The following IDH3A variants were observed in gnomAD, a reference collection of about 807,000 sequenced individuals.
The protein encoded by IDH3A is isocitrate dehydrogenase [NAD] subunit alpha, mitochondrial.
A neutral mutation model predicts 43.3 loss-of-function variants in IDH3A; 23 were observed. That is an observed-to-expected ratio of 0.53 (90% CI 0.38 to 0.75). The LOEUF is 0.75. Among genes scored for constraint, IDH3A ranks in the 30% least tolerant of loss-of-function variants. The pLI, the probability that IDH3A is intolerant of heterozygous loss-of-function variation, is 0.00. For missense variants in IDH3A, 329 were observed against 474.4 expected, an observed-to-expected ratio of 0.69 and a Z score of 2.85; for synonymous variants, 154 against 163.5, an observed-to-expected ratio of 0.94 and a Z score of 0.44.
At chr15:78,164,376 A>C in intron 8 of IDH3A, among the ~76,000 whole-genome samples, 1 of 136,730 alleles carries the variant, frequency 7.3e-6, no homozygotes. Context: ...TTTTTGAGGC[A>C]GAGTCTTGCT....
At chr15:78,156,961 A>G (rs777983717) in intron 2 of IDH3A, 1 of 1,349,616 alleles carries the variant, frequency 7.4e-7, no homozygotes, top group South Asian at 1.1e-5. Context: ...AGACAGTTTT[A>G]TAGAGGAACT....
intron 9 of IDH3A, 123 bp from the exon 10 acceptor site, chr15:78,166,027 C>A: frequency 1.1e-6 from 1 of 888,690 alleles, no homozygotes; most frequent in South Asian, 1.5e-5. Flanking sequence ...ATGAATTGCA[C>A]GCAGTAGCTT....
In IDH3A at chr15:78,169,224, T is replaced by C. The variant is rs1408192367; in HGVS notation, c.*219T>C. The C allele has an allele frequency of 1.7e-5, 6 of 361,740 alleles. No individual in the cohort carries two copies. Among genetic ancestry groups the C allele is most frequent in the Non-Finnish European group, 3.0e-5 (6 of 201,208 alleles). The allele number at this position is 361,740 out of a possible 1,614,324, so 22.4% of individuals were successfully genotyped here. ...CCAAGTGCTTGTTTTATTTATTAAG[T>C]GTCTACCTGGTAAATGTTTTTTTTG... On this transcript the variant is annotated 3_prime_UTR_variant, in exon 11 of 11. Coordinates refer to ENST00000299518, the MANE Select transcript of IDH3A (RefSeq NM_005530.3).
intron 6 of IDH3A, among the ~76,000 whole-genome samples, chr15:78,162,793 G>A (rs1165634579): frequency 7.9e-5 from 12 of 152,214 alleles, no homozygotes; most frequent in Non-Finnish European, 1.5e-4. Context: ...TGATCCGCTC[G>A]CCTTGGGCTC....
At chr15:78,162,685 A>G (rs2074696520) in intron 6 of IDH3A, among the ~76,000 whole-genome samples, 1 of 151,784 alleles carries the variant, frequency 6.6e-6, no homozygotes, top group South Asian at 2.1e-4. Context: ...CACTGGGACT[A>G]CAGGCACATG....
intron 1 of IDH3A, among the ~76,000 whole-genome samples, chr15:78,153,967 A>AC (rs2074601538): frequency 6.6e-6 from 1 of 151,960 alleles, no homozygotes; most frequent in Admixed American, 6.6e-5. Context: ...CCGAGATTGC[A>AC]CCATTGCACT....
At chr15:78,167,250 T>C (rs567347403) in intron 10 of IDH3A, among the ~76,000 whole-genome samples, 1 of 152,376 alleles carries the variant, frequency 6.6e-6, no homozygotes, top group East Asian at 1.9e-4. Flanking sequence ...TTGAAGTAGA[T>C]GCTATAATTC....
chr15:78,149,480 G>A (rs2074554662), intron 1 of IDH3A, 50 bp downstream of exon 1: 1 of 1,478,074 alleles, frequency 6.8e-7, no homozygotes, highest in Non-Finnish European at 9.0e-7. Flanking sequence ...CGCGAGGGCT[G>A]GCAGGAGAGC....
In IDH3A at chr15:78,155,606, T is replaced by C. The variant is rs116716352; in HGVS notation, c.90+331T>C. The C allele has an allele frequency of 5.6e-3, 1,119 of 198,804 alleles. 17 individuals are homozygous for C. The highest frequency in any genetic ancestry group is 0.025 in the African/African-American group (1,045 of 42,566). The allele number at this position is 198,804 out of a possible 1,614,324, so 12.3% of individuals were successfully genotyped here. A position where few individuals can be genotyped will look rare whatever the true frequency, so the allele number is the denominator to read the frequency against. ...CAGCTTTTTTCAAAACTAGTACAAG[T>C]TGAGAGAAAATTGTTGAGAAGCTTC... On this transcript the variant is annotated intron_variant, in intron 2 of 10. Coordinates refer to ENST00000299518, the MANE Select transcript of IDH3A (RefSeq NM_005530.3).
intron 6 of IDH3A, among the ~76,000 whole-genome samples, chr15:78,162,781 A>C (rs1472656024): frequency 6.6e-6 from 1 of 152,016 alleles, no homozygotes; most frequent in Non-Finnish European, 1.5e-5. Flanking sequence ...CCTGACCTTA[A>C]GTGATCCGCT....
intron 2 of IDH3A, 148 bp from the exon 3 acceptor site, chr15:78,157,400 A>AC (rs928928890): frequency 4.8e-6 from 3 of 630,860 alleles, no homozygotes; most frequent in South Asian, 2.3e-5. Context: ...CCCTTTGATG[A>AC]CCCCCGGGGA....
At position 78,166,200 on chromosome 15, in the gene IDH3A, A is replaced by T. The variant is rs1304961221; in HGVS notation, c.915A>T (p.Thr305=). ...DIAGKDMANP[T]ALLLSAVMML... ...CAGGCAAGGACATGGCGAATCCCAC[A>T]GCCCTCCTGCTCAGTGCCGTGATGA... Residue 305 remains threonine (T), a synonymous_variant, in exon 10 of 11, where the codon ACA becomes ACT. Transcript: ENST00000299518. 6.2e-7 allele frequency: 1 copy of T among 1,614,118 alleles called. No homozygotes were observed. Among genetic ancestry groups the T allele is most frequent in the Admixed American group, 1.7e-5 (1 of 60,022 alleles).
intron 1 of IDH3A, chr15:78,154,311 C>T (rs556685453): frequency 2.6e-5 from 4 of 151,850 alleles, no homozygotes; most frequent in Non-Finnish European, 5.9e-5. Context: ...GACCACATTA[C>T]CTATATTATC....
intron 1 of IDH3A, chr15:78,150,785 T>G (rs966910849): frequency 7.2e-5 from 11 of 152,252 alleles, no homozygotes; most frequent in Non-Finnish European, 1.6e-4. Flanking sequence ...ATTAACTGGT[T>G]TTTTTGTTCA....
In IDH3A at chr15:78,171,650, C is replaced by T. The variant is rs1386751295; in HGVS notation, c.*2645C>T. 5.3e-6 allele frequency: 4 copies of T among 750,380 alleles called. No individual in the cohort carries two copies. Among genetic ancestry groups the T allele is most frequent in the Non-Finnish European group, 8.9e-6 (4 of 448,442 alleles). 46.5% of individuals were successfully genotyped at this position (750,380 alleles called of 1,614,324 possible). On this transcript the variant is annotated 3_prime_UTR_variant, in exon 11 of 11. Coordinates refer to ENST00000299518, the MANE Select transcript of IDH3A (RefSeq NM_005530.3). ...CAGGAATTAAGCCAGATAATCAGGA[C>T]CGTCAGTAGCCAGCCTCCAAGACAG...
chr15:78,159,228 T>C (rs1258699577), intron 3 of IDH3A, among the ~76,000 whole-genome samples: 2 of 152,186 alleles, frequency 1.3e-5, no homozygotes, highest in Non-Finnish European at 2.9e-5. Flanking sequence ...TTGGACCATT[T>C]TCCTCACCGA....
At chr15:78,154,779 C>T (rs1367316110) in intron 1 of IDH3A, 1 of 153,512 alleles carries the variant, frequency 6.5e-6, no homozygotes, top group East Asian at 1.9e-4. Flanking sequence ...GTGAGTTGTG[C>T]TCTGGATTTC....
At position 78,171,382 on chromosome 15, in the gene IDH3A, C is replaced by T. The variant is rs1255772829; in HGVS notation, c.*2377C>T. The T allele has an allele frequency of 9.1e-6, 13 of 1,427,648 alleles. No individual in the cohort carries two copies. The highest frequency in any genetic ancestry group is 5.2e-5 in the Admixed American group (3 of 57,294). 88.4% of individuals were successfully genotyped at this position (1,427,648 alleles called of 1,614,324 possible). The stretch of plus-strand genomic sequence containing the variant: ...GTGCCCAGACTGAAGAGACCTGGGG[C>T]TCAGGAAGAGGCTCGGAACGCCTGC... On this transcript the variant is annotated 3_prime_UTR_variant, in exon 11 of 11. Coordinates refer to ENST00000299518, the MANE Select transcript of IDH3A (RefSeq NM_005530.3).
intron 8 of IDH3A, among the ~76,000 whole-genome samples, chr15:78,164,196 C>T (rs1452459199): frequency 2.6e-5 from 4 of 152,098 alleles, no homozygotes; most frequent in Non-Finnish European, 5.9e-5. Context: ...CCTGATTCCA[C>T]ATTCTCCAGA....
Sources: allele counts gnomAD v4.1 joint callset (sites outside exome capture counted in the v4.1 genomes callset), GRCh38; gene constraint gnomAD v4.1.1; transcripts MANE v1.5; gene names NCBI Gene and HGNC (gene_info 2026-07-23, HGNC 2026-07-21).